Variants in ADARB2 observed in about 807,000 individuals in gnomAD.
ADARB2 encodes inactive double-stranded RNA-specific editase B2.
Under a neutral mutation model 62.2 loss-of-function variants are expected in ADARB2, and 25 were observed. The ratio of observed to expected loss-of-function variants is 0.40; its 90% confidence interval spans 0.29 to 0.56. The LOEUF (loss-of-function observed/expected upper bound fraction) is 0.56. Ranked by LOEUF, ADARB2 falls within the 20% of genes least tolerant of loss-of-function variation. The pLI is 0.43. For missense variants in ADARB2, 1,071 were observed against 1,077.4 expected (o/e 0.99, Z 0.08); for synonymous variants, 572 against 500.8 (o/e 1.14, Z -1.90).
chr10:1,565,230 A>T (rs908998383), intron 1 of ADARB2, among the ~76,000 whole-genome samples: 3 of 152,160 alleles, frequency 2.0e-5, no homozygotes, highest in Admixed American at 2.0e-4. Context: ...GGATATATTT[A>T]TGTGCATTAT....
rs1831071928 is a variant in ADARB2, at chr10:1,255,506, G to C, written c.1193-13207C>G. Among the ~76,000 whole-genome samples the C allele has an allele frequency of 1.3e-5, 2 of 152,376 alleles. No individual in the cohort carries two copies. Among genetic ancestry groups the C allele is most frequent in the South Asian group, 4.1e-4 (2 of 4,832 alleles). On this transcript the variant is annotated intron_variant, in intron 4 of 9. Coordinates refer to ENST00000381312, the MANE Select transcript of ADARB2 (RefSeq NM_018702.4). This position sits in a 1 kb window ranked among gnomAD's most constrained non-coding sequence, Gnocchi z 4.7. ...GGCTGACGCTGGCTGCTGTCCACCTGTGATGGCCTCGGGCACTGTGGCCCC... is the reference window on the plus strand; with the variant it reads ...GGCTGACGCTGGCTGCTGTCCACCTCTGATGGCCTCGGGCACTGTGGCCCC...
intron 1 of ADARB2, among the ~76,000 whole-genome samples, chr10:1,532,143 C>A (rs750978490): frequency 2.0e-5 from 3 of 152,132 alleles, no homozygotes; most frequent in Non-Finnish European, 4.4e-5. Context: ...TGTATCAGCC[C>A]GCACCATTCC....
intron 3 of ADARB2, among the ~76,000 whole-genome samples, chr10:1,341,905 C>T (rs980278774): frequency 3.9e-5 from 6 of 152,368 alleles, no homozygotes; most frequent in Non-Finnish European, 5.9e-5. Context: ...CCCGCAGTGG[C>T]GATTTCCTTC....
intron 3 of ADARB2, among the ~76,000 whole-genome samples, chr10:1,341,962 C>A (rs978879226): frequency 2.6e-5 from 4 of 152,252 alleles, no homozygotes; most frequent in Admixed American, 2.6e-4. Context: ...GAGCCACTTT[C>A]ACCCTCTCAC....
Position 1,458,925 on chromosome 10 carries a change from C to A in ADARB2, c.101-79765G>T, listed in dbSNP as rs186193395. On this transcript the variant is annotated intron_variant, in intron 1 of 9. Transcript: ENST00000381312. ...CAAAAGAAGACACTTATGCAGGCAACAATCATATGAAAAAAAGCTCAACAT... is the reference window on the plus strand; with the variant it reads ...CAAAAGAAGACACTTATGCAGGCAAAAATCATATGAAAAAAAGCTCAACAT... Among the ~76,000 whole-genome samples the A allele has an allele frequency of 2.5e-3, 376 of 152,196 alleles. 3 individuals carry two copies. The highest frequency in any genetic ancestry group is 8.3e-3 in the African/African-American group (345 of 41,514).
At chr10:1,293,016 G>GA (rs1300388780) in intron 3 of ADARB2, 2 of 45,946 alleles carry the variant, frequency 4.4e-5, no homozygotes, top group Admixed American at 2.9e-4. Flanking sequence ...GAGAGAGGGA[G>GA]GGGAGAGAGA....
intron 1 of ADARB2, among the ~76,000 whole-genome samples, chr10:1,702,822 G>A (rs868144201): frequency 2.6e-5 from 4 of 152,306 alleles, no homozygotes; most frequent in East Asian, 1.9e-4. Context: ...CACCACATGC[G>A]ATGATGAGTA....
intron 1 of ADARB2, among the ~76,000 whole-genome samples, chr10:1,576,045 G>T (rs1198595620): frequency 3.2e-5 from 3 of 95,012 alleles, no homozygotes; most frequent in Non-Finnish European, 7.1e-5. Context: ...TCGGCGGGGG[G>T]GTCAGGGTCA....
chr10:1,532,519 C>A (rs964375642), intron 1 of ADARB2, among the ~76,000 whole-genome samples: 37 of 152,234 alleles, frequency 2.4e-4, no homozygotes, highest in Non-Finnish European at 3.8e-4. Context: ...AAATTCACCC[C>A]CTGGCATTGA....
chr10:1,510,148 C>CTTTCTTTCTTTA (rs1468381766), intron 1 of ADARB2, among the ~76,000 whole-genome samples: 1 of 123,194 alleles, frequency 8.1e-6, no homozygotes, highest in South Asian at 2.5e-4. Context: ...TTCTTTCTTT[C>CTTTCTTTCTTTA]TTTCTTTCTT....
At chr10:1,486,076 T>C (rs1831539734) in intron 1 of ADARB2, among the ~76,000 whole-genome samples, 1 of 152,214 alleles carries the variant, frequency 6.6e-6, no homozygotes, top group African/African-American at 2.4e-5. Flanking sequence ...GCACAGTTCC[T>C]AGAGGTGCCA....
chr10:1,446,072 T>C (rs544375952), intron 1 of ADARB2, among the ~76,000 whole-genome samples: 1,517 of 139,998 alleles, frequency 0.011, 28 homozygotes, highest in African/African-American at 0.037. Flanking sequence ...AGGGAGGGGG[T>C]GAAGGAAACA....
chr10:1,536,281 G>C lies in ADARB2; in HGVS notation c.101-157121C>G, dbSNP rs150050854. Among the ~76,000 whole-genome samples the C allele has an allele frequency of 5.9e-5, 9 of 152,326 alleles. No homozygotes were observed. In the East Asian group the frequency reaches 1.7e-3, roughly 29 times the overall value. ...TCTCTGCCACACGAGGACACAGAAA[G>C]CGCCATCTACAAGCCAGGAAGGGGC... On this transcript the variant is annotated intron_variant, in intron 1 of 9. Coordinates refer to ENST00000381312, the MANE Select transcript of ADARB2 (RefSeq NM_018702.4).
At chr10:1,496,865 G>A (rs1054736087) in intron 1 of ADARB2, among the ~76,000 whole-genome samples, 9 of 152,282 alleles carry the variant, frequency 5.9e-5, no homozygotes, top group African/African-American at 1.7e-4. Flanking sequence ...CGCACACTGG[G>A]CTATGAACAA....
chr10:1,727,357 G>A (rs899939396), intron 1 of ADARB2, among the ~76,000 whole-genome samples: 4 of 152,136 alleles, frequency 2.6e-5, no homozygotes, highest in African/African-American at 9.7e-5. Context: ...AGGTGGTCAT[G>A]GAAGCCACCT....
chr10:1,523,345 C>T (rs889808950), intron 1 of ADARB2, among the ~76,000 whole-genome samples: 4 of 152,102 alleles, frequency 2.6e-5, no homozygotes, highest in African/African-American at 7.2e-5. Flanking sequence ...TAGTCTCCAC[C>T]CCACTGTGTT....
At chr10:1,499,229 C>T (rs1302651316) in intron 1 of ADARB2, among the ~76,000 whole-genome samples, 2 of 152,026 alleles carry the variant, frequency 1.3e-5, no homozygotes, top group African/African-American at 2.4e-5. Flanking sequence ...ACTCATCATT[C>T]GCTCATTACT....
rs1836667019 is a variant in ADARB2, at chr10:1,180,986, A to G, written c.*2207T>C. 1 of 152,250 alleles carries G rather than the reference A, an allele frequency of 6.6e-6. No individual in the cohort carries two copies. The highest frequency in any genetic ancestry group is 2.4e-5 in the African/African-American group (1 of 41,462). 9.4% of individuals were successfully genotyped at this position (152,250 alleles called of 1,614,324 possible). A position where few individuals can be genotyped will look rare whatever the true frequency, so the allele number is the denominator to read the frequency against. ...CAGCTGTGGCTTCATGATGCTGGCCACTGGGTGGCCGAGCGCTTTCCGAGT... is the reference window on the plus strand; with the variant it reads ...CAGCTGTGGCTTCATGATGCTGGCCGCTGGGTGGCCGAGCGCTTTCCGAGT... On this transcript the variant is annotated 3_prime_UTR_variant, in exon 10 of 10. Coordinates refer to ENST00000381312, the MANE Select transcript of ADARB2 (RefSeq NM_018702.4).
intron 1 of ADARB2, among the ~76,000 whole-genome samples, chr10:1,595,834 G>A (rs779279544): frequency 6.6e-6 from 1 of 152,236 alleles, no homozygotes; most frequent in Non-Finnish European, 1.5e-5. Context: ...GCAGCCCTAG[G>A]CCCAGCAGCT....
Sources: gnomAD v4.1 joint callset for allele counts (sites outside exome capture counted in the v4.1 genomes callset) on GRCh38, gnomAD v4.1.1 for gene constraint, Gnocchi (gnomAD v3.1) non-coding constraint, MANE v1.5 for transcripts, NCBI Gene and HGNC (gene_info 2026-07-23, HGNC 2026-07-21) for gene names.